The following GPHN variants were observed in gnomAD, a reference collection of about 807,000 sequenced individuals.
GPHN encodes the protein gephyrin.
In GPHN, 17 loss-of-function variants were observed where a neutral mutation model predicts 95.5. The ratio of observed to expected loss-of-function variants is 0.18; its 90% CI spans 0.12 to 0.27. The LOEUF is 0.27. GPHN is among the 10% of genes least tolerant of loss of function. The pLI, the probability that GPHN is intolerant of heterozygous loss-of-function variation, is 1.00. For synonymous variants in GPHN, 320 were observed against 322.5 expected, an observed-to-expected ratio of 0.99 and a Z score of 0.08; for missense variants, 660 against 978.1, an observed-to-expected ratio of 0.67 and a Z score of 4.34.
At chr14:66,911,453 C>A (rs1167323900) in intron 5 of GPHN, among the ~76,000 whole-genome samples, 1 of 151,666 alleles carries the variant, frequency 6.6e-6, no homozygotes, top group African/African-American at 2.4e-5. Context: ...AGCTGTTTTA[C>A]AAAAAAGTAA....
chr14:67,041,670 A>G (rs974575671), intron 10 of GPHN, among the ~76,000 whole-genome samples: 2 of 152,224 alleles, frequency 1.3e-5, no homozygotes, highest in Non-Finnish European at 2.9e-5. Context: ...TAGTGCCACA[A>G]TAAACATATG....
At chr14:67,233,437 C>G in the GPHN span, among the ~76,000 whole-genome samples, 1 of 152,192 alleles carries the variant, frequency 6.6e-6, no homozygotes, top group Admixed American at 6.5e-5. Flanking sequence ...ATACCAATAC[C>G]TATTCCAATT....
At chr14:67,392,855 C>T in the GPHN span, 1 of 1,605,676 alleles carries the variant, frequency 6.2e-7, no homozygotes, top group Non-Finnish European at 8.5e-7. Context: ...GGAGCCTGGC[C>T]AAGGGCAGCA....
chr14:67,650,852 G>T, the GPHN span: 5 of 1,614,204 alleles, frequency 3.1e-6, no homozygotes, highest in Non-Finnish European at 4.2e-6. Flanking sequence ...AGGGCATATT[G>T]TCTATGACCA....
At position 67,023,652 on chromosome 14, in the gene GPHN, G is replaced by A. The variant is rs1423453724; in HGVS notation, c.983G>A (p.Ser328Asn). ...PTPKVQSRCS[S>N]KENILRASHS... ...CTACAGGTCCAGTCCAGGTGCAGCA[G>A]CAAGGAGAACATTCTCAGAGCCAGT... Residue 328 changes from serine (S) to asparagine (N), a missense_variant, in exon 10 of 23, where the codon AGC becomes AAC. Ser to Asn is a conservative substitution (Grantham distance 46). This residue lies in a region of GPHN where 190 missense variants were observed against 224.7 expected (regional missense o/e 0.85). Transcript: ENST00000478722. 1 of 1,613,320 alleles carries A rather than the reference G, an allele frequency of 6.2e-7. No individual in the cohort carries two copies. Among genetic ancestry groups the A allele is most frequent in the African/African-American group, 1.3e-5 (1 of 74,870 alleles).
chr14:66,634,157 G>A lies in GPHN; in HGVS notation c.65-46950G>A, dbSNP rs552907455. Among the ~76,000 whole-genome samples the A allele has an allele frequency of 1.9e-3, 293 of 151,892 alleles. 2 individuals are homozygous for A. Among genetic ancestry groups the A allele is most frequent in the Admixed American group, 3.1e-3 (48 of 15,252 alleles). On this transcript the variant is annotated intron_variant, in intron 1 of 22. Coordinates refer to ENST00000478722, the MANE Select transcript of GPHN (RefSeq NM_020806.5). ...TGGAGAATTATTGTGTTGTTTTGGA[G>A]GTGTCATGTTTCCCTGCCTTTTCAT...
At chr14:67,502,982 G>A in the GPHN span, among the ~76,000 whole-genome samples, 1 of 152,076 alleles carries the variant, frequency 6.6e-6, no homozygotes, top group Admixed American at 6.6e-5. Context: ...AAACTGAAGG[G>A]ATATCATCCG....
intron 2 of GPHN, among the ~76,000 whole-genome samples, chr14:66,705,250 G>A (rs1405333742): frequency 2.0e-5 from 3 of 152,228 alleles, no homozygotes; most frequent in Non-Finnish European, 2.9e-5. Context: ...AGAGGAGATG[G>A]TACCATTCCT....
intron 17 of GPHN, among the ~76,000 whole-genome samples, chr14:67,142,322 T>C (rs572899733): frequency 6.6e-6 from 1 of 152,278 alleles, no homozygotes; most frequent in East Asian, 1.9e-4. Flanking sequence ...AACTAAACAA[T>C]CCCTTTCAAC....
chr14:66,706,896 A>G (rs2153419149), intron 2 of GPHN, among the ~76,000 whole-genome samples: 1 of 151,062 alleles, frequency 6.6e-6, no homozygotes, highest in African/African-American at 2.4e-5. Context: ...ATGGGAGAAA[A>G]TTTTGCAATC....
At chr14:66,623,950 A>C (rs1015943402) in intron 1 of GPHN, among the ~76,000 whole-genome samples, 1 of 152,180 alleles carries the variant, frequency 6.6e-6, no homozygotes, top group Non-Finnish European at 1.5e-5. Context: ...CAGAAGCTAC[A>C]TGAGGGAGGA....
intron 8 of GPHN, among the ~76,000 whole-genome samples, chr14:66,943,037 C>T (rs1281642012): frequency 6.6e-6 from 1 of 152,152 alleles, no homozygotes; most frequent in Non-Finnish European, 1.5e-5. Context: ...CTTGTGCTTT[C>T]ATTTCAATGC....
intron 11 of GPHN, among the ~76,000 whole-genome samples, chr14:67,085,298 A>G (rs1441370582): frequency 6.6e-6 from 1 of 152,236 alleles, no homozygotes; most frequent in East Asian, 1.9e-4. Flanking sequence ...TATATGAACA[A>G]CTCAGGCATT....
intron 5 of GPHN, among the ~76,000 whole-genome samples, chr14:66,882,531 A>G (rs1314560112): frequency 6.6e-6 from 1 of 151,888 alleles, no homozygotes; most frequent in African/African-American, 2.4e-5. Context: ...TAAGAACATC[A>G]TCTCTGAAGA....
At chr14:67,442,155 A>G in the GPHN span, among the ~76,000 whole-genome samples, 1 of 152,136 alleles carries the variant, frequency 6.6e-6, no homozygotes, top group Non-Finnish European at 1.5e-5. Context: ...ATATATTTTT[A>G]TGGAAGAATG....
intron 4 of GPHN, among the ~76,000 whole-genome samples, chr14:66,857,155 A>G (rs149104540): frequency 2.2e-4 from 33 of 152,278 alleles, no homozygotes; most frequent in African/African-American, 5.3e-4. Context: ...ATATAATTAC[A>G]TAGAGAGATT....
chr14:67,011,885 T>C (rs994172746), intron 9 of GPHN, among the ~76,000 whole-genome samples: 6 of 149,074 alleles, frequency 4.0e-5, no homozygotes, highest in African/African-American at 1.5e-4. Context: ...TACAATAAAA[T>C]AAACTGGTCA....
chr14:67,594,390 T>C, the GPHN span, among the ~76,000 whole-genome samples: 1 of 152,302 alleles, frequency 6.6e-6, no homozygotes, highest in Non-Finnish European at 1.5e-5. Context: ...GGCTCACGCC[T>C]GTACTCCTAG....
chr14:67,425,424 T>C, the GPHN span, among the ~76,000 whole-genome samples: 2 of 151,798 alleles, frequency 1.3e-5, no homozygotes, highest in African/African-American at 4.8e-5. Flanking sequence ...ACGCCTATAG[T>C]CCCAGCTACT....
Sources: allele counts gnomAD v4.1 joint callset (sites outside exome capture counted in the v4.1 genomes callset), GRCh38; gene constraint gnomAD v4.1.1; regional missense constraint gnomAD v4.1.1; transcripts MANE v1.5; gene names NCBI Gene and HGNC (gene_info 2026-07-23, HGNC 2026-07-21).